The following LYPD6 variants were observed in gnomAD, a reference collection of about 807,000 sequenced individuals.
LYPD6 encodes the protein ly6/PLAUR domain-containing protein 6.
A neutral mutation model predicts 22.7 loss-of-function variants in LYPD6; 15 were observed. The observed-to-expected ratio is 0.66, with a 90% CI of 0.44 to 1.02. The LOEUF (loss-of-function observed/expected upper bound fraction) is 1.02. Among genes scored for constraint, LYPD6 ranks in the 50% least tolerant of loss-of-function variants. The probability of loss-of-function intolerance (pLI) is 0.00; values close to 1 mark genes in which losing one functional copy is unlikely to be tolerated. For missense variants in LYPD6, 189 were observed against 208.4 expected, an observed-to-expected ratio of 0.91 and a Z score of 0.57; for synonymous variants, 72 against 77.5, an observed-to-expected ratio of 0.93 and a Z score of 0.37.
At chr2:149,461,887 C>T (rs535472910) in intron 3 of LYPD6, among the ~76,000 whole-genome samples, 29 of 151,892 alleles carry the variant, frequency 1.9e-4, no homozygotes, top group East Asian at 1.4e-3. Context: ...ATAGGAATAG[C>T]GAGAAACTTC....
At chr2:149,448,445 G>C (rs1307087825) in intron 2 of LYPD6, among the ~76,000 whole-genome samples, 5 of 151,958 alleles carry the variant, frequency 3.3e-5, no homozygotes, top group African/African-American at 1.2e-4. Context: ...TCATGTGTAG[G>C]TTTGTGTATC....
rs985218291 is a variant in LYPD6 at position 149,438,177 on chromosome 2, A to G, written c.118+351A>G. Among the ~76,000 whole-genome samples, 4 of 152,342 alleles carry G rather than the reference A, an allele frequency of 2.6e-5. No homozygotes were observed. In the East Asian group the frequency reaches 7.7e-4, roughly 29 times the overall value. ...TGTAAAAGATCAATCCTTTATACGT[A>G]AGATAATAGCTGGTCTTCCTCTCTG... On this transcript the variant is annotated intron_variant, in intron 2 of 4. Coordinates refer to ENST00000334166, the MANE Select transcript of LYPD6 (RefSeq NM_194317.5).
chr2:149,389,597 A>G (rs537278737), intron 1 of LYPD6, among the ~76,000 whole-genome samples: 1 of 152,278 alleles, frequency 6.6e-6, no homozygotes, highest in African/African-American at 2.4e-5. Flanking sequence ...TTTCATCACA[A>G]TGCCTGCATC....
chr2:149,376,364 C>T (rs1399349135), intron 1 of LYPD6, among the ~76,000 whole-genome samples: 1 of 152,138 alleles, frequency 6.6e-6, no homozygotes, highest in Non-Finnish European at 1.5e-5. Flanking sequence ...TTAGAAGTCC[C>T]TCACCCACGC....
intron 2 of LYPD6, among the ~76,000 whole-genome samples, chr2:149,446,419 G>T (rs55774656): frequency 0.28 from 42,047 of 152,014 alleles, 7,210 homozygotes; most frequent in African/African-American, 0.49. Flanking sequence ...TAAAATGAAT[G>T]GTGATACAAC....
intron 1 of LYPD6, among the ~76,000 whole-genome samples, chr2:149,421,259 G>A (rs548488309): frequency 7.2e-5 from 11 of 151,958 alleles, no homozygotes; most frequent in South Asian, 2.1e-4. Flanking sequence ...GCCTGGTGGC[G>A]CATGCCTGTA....
At chr2:149,377,767 G>A (rs1056718253) in intron 1 of LYPD6, among the ~76,000 whole-genome samples, 1 of 147,070 alleles carries the variant, frequency 6.8e-6, no homozygotes, top group Non-Finnish European at 1.5e-5. Context: ...ACGACAGAGC[G>A]AGACTTTGTC....
At chr2:149,434,140 A>G (rs111350100) in intron 1 of LYPD6, among the ~76,000 whole-genome samples, 4 of 152,234 alleles carry the variant, frequency 2.6e-5, no homozygotes, top group African/African-American at 9.6e-5. Context: ...GACATTTGCA[A>G]ACCAATTAGA....
chr2:149,404,518 G>T (rs1682647918), intron 1 of LYPD6, among the ~76,000 whole-genome samples: 1 of 152,174 alleles, frequency 6.6e-6, no homozygotes, highest in East Asian at 1.9e-4. Flanking sequence ...GTTCACTCAT[G>T]ATTTGGCTCT....
chr2:149,437,783 C>T lies in LYPD6; in HGVS notation c.75C>T (p.Ser25=), dbSNP rs755464213. 96 of 1,614,022 alleles carry T rather than the reference C, an allele frequency of 5.9e-5. 2 individuals are homozygous for T. The South Asian group carries it at 1.1e-3, about 18-fold the overall frequency. The change falls in exon 2 of 5, where the codon TCC becomes TCT. Residue 25 remains serine (S), a synonymous_variant. Transcript: ENST00000334166. ...CGGATTGTCTGAAAGCTGCTCAGTC[C>T]CGAGACTTCACAGTGAAAGACATTA... ...LLADCLKAAQ[S]RDFTVKDIIY...
chr2:149,466,770 C>T (rs1470088392), intron 3 of LYPD6, among the ~76,000 whole-genome samples: 1 of 152,160 alleles, frequency 6.6e-6, no homozygotes, highest in Non-Finnish European at 1.5e-5. Context: ...TTTACTCATT[C>T]CATAAGCCTA....
chr2:149,392,990 T>C (rs1682345849), intron 1 of LYPD6, among the ~76,000 whole-genome samples: 3 of 152,156 alleles, frequency 2.0e-5, no homozygotes, highest in Admixed American at 2.0e-4. Context: ...CGTGCCACTG[T>C]GCTCCAGCCT....
At chr2:149,335,789 A>G (rs916883877) in intron 1 of LYPD6, among the ~76,000 whole-genome samples, 3 of 152,198 alleles carry the variant, frequency 2.0e-5, no homozygotes, top group Admixed American at 1.3e-4. Context: ...GTTTAGATAC[A>G]CACATACTTA....
In LYPD6 at chr2:149,339,512, A is replaced by G. The variant is rs551686368; in HGVS notation, c.-72+8790A>G. On this transcript the variant is annotated intron_variant, in intron 1 of 4. Transcript: ENST00000334166. ...TTCAACCAGCCTACCAATTACAGTC[A>G]TAGCTGTAACTTGTTACTATGACGT... Among the ~76,000 whole-genome samples the G allele has an allele frequency of 1.6e-4, 24 of 152,328 alleles. No individual in the cohort carries two copies. In the South Asian group the frequency reaches 5.0e-3, roughly 32 times the overall value.
At chr2:149,353,879 G>A (rs1202170410) in intron 1 of LYPD6, among the ~76,000 whole-genome samples, 1 of 152,130 alleles carries the variant, frequency 6.6e-6, no homozygotes, top group Non-Finnish European at 1.5e-5. Context: ...GGTGGAAACA[G>A]TGGGCCTGTA....
chr2:149,472,423 C>T lies in LYPD6; in HGVS notation c.*1573C>T, dbSNP rs1681363105. On this transcript the variant is annotated 3_prime_UTR_variant, in exon 5 of 5. Transcript: ENST00000334166. ...TGTGTTTTTGTGAAACTTGGTAGAA[C>T]CATGGCTAATAAAGAGGACAGTGTT... 6.6e-6 allele frequency: 1 copy of T among 152,578 alleles called. No homozygotes were observed. Among genetic ancestry groups the T allele is most frequent in the Non-Finnish European group, 1.5e-5 (1 of 68,044 alleles). The allele number at this position is 152,578 out of a possible 1,614,324, so 9.5% of individuals were successfully genotyped here.
chr2:149,374,556 G>T (rs1681875607), intron 1 of LYPD6, among the ~76,000 whole-genome samples: 1 of 152,198 alleles, frequency 6.6e-6, no homozygotes, highest in African/African-American at 2.4e-5. Context: ...CTGAAGGGAA[G>T]TCTGTCCCTG....
At position 149,472,867 on chromosome 2, in the gene LYPD6, C is replaced by T. The variant is rs947690234; in HGVS notation, c.*2017C>T. 1.8e-4 allele frequency: 28 copies of T among 152,480 alleles called. No individual in the cohort carries two copies. The highest frequency in any genetic ancestry group is 6.0e-4 in the African/African-American group (25 of 41,414). 9.4% of individuals were successfully genotyped at this position (152,480 alleles called of 1,614,324 possible). On this transcript the variant is annotated 3_prime_UTR_variant, in exon 5 of 5. Transcript: ENST00000334166. ...GAAGAGGAAAGAAAGGTGGGATTAT[C>T]CCCCTAGGAAGACTTTCAGGCCTGA...
At chr2:149,436,254 A>G (rs1160228054) in intron 1 of LYPD6, among the ~76,000 whole-genome samples, 2 of 152,224 alleles carry the variant, frequency 1.3e-5, no homozygotes, top group Non-Finnish European at 2.9e-5. Flanking sequence ...TTGAACATTT[A>G]TATTAAACAA....
Sources: gnomAD v4.1 joint callset for allele counts (sites outside exome capture counted in the v4.1 genomes callset) on GRCh38, gnomAD v4.1.1 for gene constraint, MANE v1.5 for transcripts, NCBI Gene and HGNC (gene_info 2026-07-23, HGNC 2026-07-21) for gene names.